Variants in C1QTNF3 observed in about 807,000 individuals in gnomAD.
C1QTNF3 encodes C1q and TNF related 3.
A neutral mutation model predicts 32.6 loss-of-function variants in C1QTNF3; 26 were observed. That is an observed-to-expected ratio of 0.80 (90% CI 0.58 to 1.11). The LOEUF is 1.11. Ranked by LOEUF, C1QTNF3 falls within the 50% of genes least tolerant of loss-of-function variation. The pLI, the probability that C1QTNF3 is intolerant of heterozygous loss-of-function variation, is 0.00. For synonymous variants in C1QTNF3, 155 were observed against 146.0 expected (o/e 1.06, Z -0.44); for missense variants, 362 against 398.2 (o/e 0.91, Z 0.77).
the C1QTNF3 span, among the ~76,000 whole-genome samples, chr5:34,107,332 T>C: frequency 1.4e-5 from 2 of 146,380 alleles, no homozygotes; most frequent in South Asian, 2.2e-4. Context: ...TAGAGACAAT[T>C]TGACTTCTAC....
chr5:34,171,629 A>C, the C1QTNF3 span, among the ~76,000 whole-genome samples: 1 of 152,154 alleles, frequency 6.6e-6, no homozygotes. Flanking sequence ...CTCTGTCACC[A>C]CTCATGCTAA....
At chr5:34,023,429 A>C (rs536161313) in intron 5 of C1QTNF3, among the ~76,000 whole-genome samples, 9 of 152,210 alleles carry the variant, frequency 5.9e-5, no homozygotes, top group Non-Finnish European at 1.2e-4. Flanking sequence ...AAGGCTCCAG[A>C]AGTAAACACA....
chr5:34,153,854 A>AATT, the C1QTNF3 span, among the ~76,000 whole-genome samples: 368 of 57,624 alleles, frequency 6.4e-3, 3 homozygotes, highest in East Asian at 0.022. Flanking sequence ...CTTAGAGTAT[A>AATT]AAAAAAAAAA....
the C1QTNF3 span, among the ~76,000 whole-genome samples, chr5:34,221,305 A>G: frequency 6.6e-6 from 1 of 152,094 alleles, no homozygotes; most frequent in Non-Finnish European, 1.5e-5. Context: ...TTTGTGAACC[A>G]AATCTGTCAT....
chr5:34,156,324 GCCTCCCAAA>G, the C1QTNF3 span, among the ~76,000 whole-genome samples: 1 of 152,100 alleles, frequency 6.6e-6, no homozygotes, highest in Non-Finnish European at 1.5e-5. Context: ...ACCCGCCTCG[GCCTCCCAAA>G]GTGCTGGGAT....
the C1QTNF3 span, among the ~76,000 whole-genome samples, chr5:34,095,946 T>C: frequency 4.0e-5 from 6 of 151,186 alleles, no homozygotes; most frequent in African/African-American, 1.5e-4. Flanking sequence ...CAAAACAACC[T>C]GAGTGGATAC....
chr5:34,227,907 TAAC>T, the C1QTNF3 span, among the ~76,000 whole-genome samples: 1 of 151,834 alleles, frequency 6.6e-6, no homozygotes, highest in Admixed American at 6.6e-5. Context: ...GAATTTTTCA[TAAC>T]AAGTGCTGGC....
the C1QTNF3 span, among the ~76,000 whole-genome samples, chr5:34,205,948 T>C: frequency 7.0e-6 from 1 of 142,420 alleles, no homozygotes; most frequent in South Asian, 2.3e-4. Context: ...GCCTGGGACA[T>C]CCTCTAGTGC....
the C1QTNF3 span, among the ~76,000 whole-genome samples, chr5:34,194,943 TTTACA>T: frequency 6.8e-6 from 1 of 148,054 alleles, no homozygotes; most frequent in Admixed American, 6.7e-5. Flanking sequence ...GAAAAAAGTC[TTTACA>T]TGTTCAGTAC....
chr5:34,172,081 A>G, the C1QTNF3 span, among the ~76,000 whole-genome samples: 1 of 152,364 alleles, frequency 6.6e-6, no homozygotes, highest in East Asian at 1.9e-4. Context: ...AAAGAATGCC[A>G]TTATGAAACT....
At chr5:34,066,484 A>C in the C1QTNF3 span, among the ~76,000 whole-genome samples, 1 of 152,226 alleles carries the variant, frequency 6.6e-6, no homozygotes, top group Non-Finnish European at 1.5e-5. Flanking sequence ...GCAATGTGTG[A>C]CTTATGGATC....
chr5:34,169,306 G>T, the C1QTNF3 span, among the ~76,000 whole-genome samples: 1 of 151,980 alleles, frequency 6.6e-6, no homozygotes, highest in Non-Finnish European at 1.5e-5. Flanking sequence ...CTGTGAAGTA[G>T]AGTTATTTAT....
chr5:34,129,126 T>C, the C1QTNF3 span, among the ~76,000 whole-genome samples: 3 of 152,252 alleles, frequency 2.0e-5, no homozygotes, highest in African/African-American at 7.2e-5. Context: ...CTTCACACTC[T>C]TTCTCTCCTG....
chr5:34,092,885 A>T, the C1QTNF3 span, among the ~76,000 whole-genome samples: 9 of 152,060 alleles, frequency 5.9e-5, no homozygotes, highest in South Asian at 1.5e-3. Flanking sequence ...AAAACAATAT[A>T]CCTATTCACC....
At chr5:34,169,798 A>G in the C1QTNF3 span, among the ~76,000 whole-genome samples, 1 of 152,178 alleles carries the variant, frequency 6.6e-6, no homozygotes, top group African/African-American at 2.4e-5. Context: ...GTGAGGATGT[A>G]GGGAACTTGG....
chr5:34,089,292 GT>G, the C1QTNF3 span, among the ~76,000 whole-genome samples: 1 of 152,062 alleles, frequency 6.6e-6, no homozygotes, highest in African/African-American at 2.4e-5. Context: ...CTAGGACCTT[GT>G]TATGATCAAA....
At chr5:34,120,742 A>G in the C1QTNF3 span, among the ~76,000 whole-genome samples, 68 of 152,260 alleles carry the variant, frequency 4.5e-4, no homozygotes, top group Non-Finnish European at 8.7e-4. Context: ...ACCTTCCACC[A>G]TCATTGTGAG....
the C1QTNF3 span, among the ~76,000 whole-genome samples, chr5:34,239,055 T>C: frequency 6.6e-6 from 1 of 152,160 alleles, no homozygotes; most frequent in South Asian, 2.1e-4. Context: ...ACTTCCTAAG[T>C]GAAGAAGAAA....
chr5:34,236,037 A>G, the C1QTNF3 span, among the ~76,000 whole-genome samples: 1 of 152,112 alleles, frequency 6.6e-6, no homozygotes, highest in African/African-American at 2.4e-5. Context: ...AGAATTGGCC[A>G]CTCCAGTCAA....
Sources: allele counts gnomAD v4.1 joint callset (sites outside exome capture counted in the v4.1 genomes callset), GRCh38; gene constraint gnomAD v4.1.1; transcripts MANE v1.5; gene names NCBI Gene and HGNC (gene_info 2026-07-23, HGNC 2026-07-21).